The following MAG variants were observed in gnomAD, a reference collection of about 807,000 sequenced individuals.
The protein encoded by MAG is myelin associated glycoprotein, also known as myelin-associated glycoprotein.
MAG carries 30 observed loss-of-function variants against 60.7 expected under a neutral mutation model. The ratio of observed to expected loss-of-function variants is 0.49; its 90% CI spans 0.37 to 0.67. The LOEUF is 0.67. Ranked by LOEUF, MAG falls within the 30% of genes least tolerant of loss-of-function variation. MAG has a pLI of 0.00. For missense variants in MAG, 795 were observed against 851.7 expected (o/e 0.93, Z 0.83); for synonymous variants, 384 against 376.8 (o/e 1.02, Z -0.22).
In MAG at chr19:35,312,622, C is replaced by T. The variant is rs930408330; in HGVS notation, c.1716+605C>T. On this transcript the variant is annotated intron_variant, in intron 10 of 10. Coordinates refer to ENST00000392213, the MANE Select transcript of MAG (RefSeq NM_002361.4). ...ATTGAGGGCGGACCCATGCAGGACC[C>T]ATGGGGGGGCACGTACCAAACCAGG... The T allele has an allele frequency of 6.1e-5, 32 of 521,456 alleles. 1 individual carries two copies. The highest frequency in any genetic ancestry group is 1.1e-4 in the Non-Finnish European group (31 of 292,688). 32.3% of individuals were successfully genotyped at this position (521,456 alleles called of 1,614,324 possible). A position where few individuals can be genotyped will look rare whatever the true frequency, so the allele number is the denominator to read the frequency against.
At chr19:35,313,043 C>A (rs529328067) in intron 10 of MAG, among the ~76,000 whole-genome samples, 12 of 152,224 alleles carry the variant, frequency 7.9e-5, no homozygotes, top group Middle Eastern at 3.4e-3. Flanking sequence ...GAAGAAGAAG[C>A]AGCTTCCTGG....
At chr19:35,302,766 G>A in intron 7 of MAG, 58 bp downstream of exon 7, 1 of 1,584,318 alleles carries the variant, frequency 6.3e-7, no homozygotes, top group Non-Finnish European at 8.6e-7. Flanking sequence ...GGACACCAGG[G>A]TTACTGTGGG....
Position 35,293,136 on chromosome 19 carries a change from C to T in MAG, c.-80+932C>T, listed in dbSNP as rs1267073179. On this transcript the variant is annotated intron_variant, in intron 1 of 10. Transcript: ENST00000392213. This position sits in a 1 kb window ranked among gnomAD's most constrained non-coding sequence, Gnocchi z 4.0. ...GCTCATCCTCATCTGCATCTCTCTC[C>T]TGTACCTTCCTGTCACAGGTGCAAG... Among the ~76,000 whole-genome samples, 1 of 152,164 alleles carries T rather than the reference C, an allele frequency of 6.6e-6. No individual in the cohort carries two copies. The highest frequency in any genetic ancestry group is 1.5e-5 in the Non-Finnish European group (1 of 68,032).
rs1186095545 is a variant in MAG at position 35,302,357 on chromosome 19, G to A, written c.971-91G>A. The stretch of plus-strand genomic sequence containing the variant: ...CCTGAACCGGTGTGCTAGGTTTGGG[G>A]TGGGATCTGGGGTCATATCTGGGGA... On this transcript the variant is annotated intron_variant, in intron 6 of 10. Coordinates refer to ENST00000392213, the MANE Select transcript of MAG (RefSeq NM_002361.4). 17 of 1,498,990 alleles carry A rather than the reference G, an allele frequency of 1.1e-5. No individual in the cohort carries two copies. The Admixed American group carries it at 3.2e-4, about 28-fold the overall frequency. The allele number at this position is 1,498,990 out of a possible 1,614,324, so 92.9% of individuals were successfully genotyped here. A position where few individuals can be genotyped will look rare whatever the true frequency, so the allele number is the denominator to read the frequency against.
chr19:35,298,097 A>G (rs1003015558), intron 4 of MAG, among the ~76,000 whole-genome samples: 1 of 149,358 alleles, frequency 6.7e-6, no homozygotes, highest in African/African-American at 2.5e-5. Context: ...CACACCACAC[A>G]CTACACACAC....
rs781284060 is a variant in MAG, at chr19:35,299,624, G to A, written c.486G>A (p.Pro162=). ...AGGTGGAGGTCAGCTGCATGGTGCCGGACAACTGCCCAGAGCTGCGCCCTG... is the reference window on the plus strand; with the variant it reads ...AGGTGGAGGTCAGCTGCATGGTGCCAGACAACTGCCCAGAGCTGCGCCCTG... ...GTEVEVSCMV[P]DNCPELRPEL... The change falls in exon 5 of 11, where the codon CCG becomes CCA. Residue 162 remains proline, a synonymous_variant. Coordinates refer to ENST00000392213, the MANE Select transcript of MAG (RefSeq NM_002361.4). The A allele has an allele frequency of 2.5e-6, 4 of 1,610,420 alleles. No homozygotes were observed. Among genetic ancestry groups the A allele is most frequent in the Admixed American group, 3.3e-5 (2 of 59,800 alleles).
intron 4 of MAG, among the ~76,000 whole-genome samples, chr19:35,299,161 C>T (rs1022087634): frequency 2.0e-5 from 3 of 152,170 alleles, no homozygotes; most frequent in African/African-American, 7.2e-5. Context: ...GTGGGGAGCC[C>T]ACGCTGACGC....
At position 35,293,784 on chromosome 19, in the gene MAG, T is replaced by C. The variant is rs1260253859; in HGVS notation, c.-79-451T>C. On this transcript the variant is annotated intron_variant, in intron 1 of 10. Coordinates refer to ENST00000392213, the MANE Select transcript of MAG (RefSeq NM_002361.4). The surrounding 1 kb of genome is among the most constrained non-coding windows in gnomAD (Gnocchi z 4.0). ...CTCTCCCCGAGGGAACAGGACTCTTTTGTACCGGGGACCAGCTTCTGGTGA... is the reference window on the plus strand; with the variant it reads ...CTCTCCCCGAGGGAACAGGACTCTTCTGTACCGGGGACCAGCTTCTGGTGA... 6.6e-6 allele frequency among the ~76,000 whole-genome samples: 1 copy of C among 151,996 alleles called. No homozygotes were observed. Among genetic ancestry groups the C allele is most frequent in the Non-Finnish European group, 1.5e-5 (1 of 67,962 alleles).
In MAG at chr19:35,295,372, C is replaced by T. The variant is rs2145604117; in HGVS notation, c.-23-14C>T. The stretch of plus-strand genomic sequence containing the variant: ...ACTTCCCCCAGCCTTTAACCCTCTC[C>T]TCTCCCTTTCCAGCGATCACTCACT... On this transcript the variant is annotated splice_polypyrimidine_tract_variant and intron_variant, in intron 2 of 10. Coordinates refer to ENST00000392213, the MANE Select transcript of MAG (RefSeq NM_002361.4). The surrounding 1 kb of genome is among the most constrained non-coding windows in gnomAD (Gnocchi z 5.8). 6.2e-7 allele frequency: 1 copy of T among 1,612,354 alleles called. No homozygotes were observed. The highest frequency in any genetic ancestry group is 1.3e-5 in the African/African-American group (1 of 75,044).
Position 35,310,613 on chromosome 19 carries a change from T to A in MAG, c.1586T>A (p.Ile529Asn). 1 of 1,614,130 alleles carries A rather than the reference T, an allele frequency of 6.2e-7. No homozygotes were observed. Among genetic ancestry groups the A allele is most frequent in the Non-Finnish European group, 8.5e-7 (1 of 1,180,032 alleles). The change falls in exon 9 of 11, where the codon ATC becomes AAC. Residue 529 changes from isoleucine (I) to asparagine (N), a missense_variant. Physicochemically the swap from Ile to Asn is moderately radical, Grantham distance 149. Coordinates refer to ENST00000392213, the MANE Select transcript of MAG (RefSeq NM_002361.4). ...GTCGCCTTTGCCATCCTGATTGCCATCGTCTGCTACATTACCCAGACACGC... is the reference window on the plus strand; with the variant it reads ...GTCGCCTTTGCCATCCTGATTGCCAACGTCTGCTACATTACCCAGACACGC... ...AVVAFAILIA[I>N]VCYITQTRRK... is the part of the protein sequence containing the mutation.
chr19:35,312,531 C>CT, intron 10 of MAG: 1 of 413,602 alleles, frequency 2.4e-6, no homozygotes. Context: ...ATTCCTGTGG[C>CT]TAGGGGGTGG....
At chr19:35,302,066 G>A (rs900506922) in intron 6 of MAG, among the ~76,000 whole-genome samples, 79 of 151,782 alleles carry the variant, frequency 5.2e-4, no homozygotes, top group South Asian at 2.1e-4. Context: ...TAATTACATC[G>A]GCTGTTTCCA....
chr19:35,296,295 T>A (rs1801227023), intron 4 of MAG, among the ~76,000 whole-genome samples: 1 of 152,208 alleles, frequency 6.6e-6, no homozygotes, highest in African/African-American at 2.4e-5. Context: ...TTTAGCGTGG[T>A]GATCTTGGGC....
At chr19:35,311,730 G>A (rs892003574) in intron 9 of MAG, among the ~76,000 whole-genome samples, 188 bp from the exon 10 acceptor site, 4 of 152,204 alleles carry the variant, frequency 2.6e-5, no homozygotes, top group Admixed American at 6.5e-5. Flanking sequence ...GTCCCCAGCC[G>A]GGCAGGGGCC....
Position 35,300,195 on chromosome 19 carries a change from G to T in MAG, c.761G>T (p.Gly254Val), listed in dbSNP as rs759392207. 1 of 1,569,422 alleles carries T rather than the reference G, an allele frequency of 6.4e-7. No homozygotes were observed. ...AACTCCTCGGTGGAGGCCATCGAGG[G>T]CTCCCACGTGAGCCTGCTCTGTGGG... is the stretch of plus-strand genomic sequence containing the variant. Reference protein sequence around the residue: ...EMNSSVEAIEGSHVSLLCGAD... With the variant: ...EMNSSVEAIEVSHVSLLCGAD... The change falls in exon 6 of 11, where the codon GGC becomes GTC. Residue 254 changes from glycine (G) to valine (V), a missense_variant. Transcript: ENST00000392213.
chr19:35,296,969 TAC>T (rs757623487), intron 4 of MAG, among the ~76,000 whole-genome samples: 5 of 116,646 alleles, frequency 4.3e-5, no homozygotes, highest in Non-Finnish European at 7.2e-5. Context: ...CTGCATACAC[TAC>T]ACACACACAC....
Position 35,295,673 on chromosome 19 carries a change from C to G in MAG, c.107C>G (p.Thr36Arg). ...TCGTCCATCTCGGCCTTCGAAGGCA[C>G]GTGCGTCTCCATCCCCTGCCGCTTT... ...MPSSISAFEG[T>R]CVSIPCRFDF... Residue 36 changes from threonine to arginine, a missense_variant, in exon 4 of 11, where the codon ACG (threonine) becomes AGG (arginine). By Grantham distance (71) the Thr-to-Arg change is moderately conservative. Transcript: ENST00000392213. The surrounding 1 kb of genome is among the most constrained non-coding windows in gnomAD (Gnocchi z 5.8). 1.2e-6 allele frequency: 2 copies of G among 1,612,446 alleles called. No individual in the cohort carries two copies. Among genetic ancestry groups the G allele is most frequent in the Non-Finnish European group, 1.7e-6 (2 of 1,179,908 alleles).
intron 4 of MAG, among the ~76,000 whole-genome samples, chr19:35,298,000 C>T (rs2066415070): frequency 6.9e-6 from 1 of 144,274 alleles, no homozygotes; most frequent in Admixed American, 6.9e-5. Context: ...CCACACACTG[C>T]ACATACTACC....
intron 6 of MAG, among the ~76,000 whole-genome samples, chr19:35,302,119 G>T (rs2066452970): frequency 6.6e-6 from 1 of 151,374 alleles, no homozygotes; most frequent in Admixed American, 6.6e-5. Flanking sequence ...TCACTCAGCA[G>T]GTTCTCAGTG....
Sources: gnomAD v4.1 joint callset for allele counts (sites outside exome capture counted in the v4.1 genomes callset) on GRCh38, gnomAD v4.1.1 for gene constraint, Gnocchi (gnomAD v3.1) non-coding constraint, MANE v1.5 for transcripts, NCBI Gene and HGNC (gene_info 2026-07-23, HGNC 2026-07-21) for gene names.